TRPM5: variants seen among roughly 807,000 people sequenced by gnomAD.
TRPM5 encodes the protein MLSN1 and TRP-related.
TRPM5 carries 121 observed loss-of-function variants against 124.9 expected under a neutral mutation model. That is an observed-to-expected ratio of 0.97 (90% CI 0.84 to 1.13). TRPM5 has a LOEUF of 1.13. Ranked by LOEUF, TRPM5 falls within the 50% of genes most tolerant of loss-of-function variation. The pLI is 0.00. For missense variants in TRPM5, 1,643 were observed against 1,589.1 expected (o/e 1.03, Z -0.58); for synonymous variants, 781 against 700.5 (o/e 1.11, Z -1.81).
chr11:2,419,627 A>AG (rs1039858109), intron 4 of TRPM5, among the ~76,000 whole-genome samples: 3 of 57,120 alleles, frequency 5.3e-5, no homozygotes, highest in African/African-American at 2.0e-4. Flanking sequence ...TGCCTCAAAA[A>AG]AAAAAAAAAA....
chr11:2,414,247 G>A, intron 11 of TRPM5, 41 bp from the exon 17 acceptor site: 3 of 1,578,048 alleles, frequency 1.9e-6, no homozygotes, highest in Non-Finnish European at 2.6e-6. Flanking sequence ...AGACGCCGAT[G>A]CCCGGCCCGG....
chr11:2,411,598 C>T (rs1368270958), intron 17 of TRPM5, 37 bp downstream of exon 22: 1 of 1,610,820 alleles, frequency 6.2e-7, no homozygotes, highest in Non-Finnish European at 8.5e-7. Flanking sequence ...GGATTGCTGT[C>T]CCTCCAGGGC....
intron 8 of TRPM5, among the ~76,000 whole-genome samples, 168 bp from the exon 14 acceptor site, chr11:2,415,639 C>T (rs980533499): frequency 1.3e-5 from 2 of 152,218 alleles, no homozygotes; most frequent in African/African-American, 2.4e-5. Flanking sequence ...TGCATTGGGG[C>T]GGGCACAGAG....
chr11:2,415,469 G>A lies in TRPM5; in HGVS notation c.1131C>T (p.Ser377=), dbSNP rs1184096239. Residue 377 remains serine, a splice_region_variant and synonymous_variant, in exon 9 of 24, where the codon TCC becomes TCT. Transcript: ENST00000155858. ...CCACCATCACCTCCTCCAGGTCACA[G>A]GACTTGGCGGCCATGGGCACCCGAG... is the stretch of plus-strand genomic sequence containing the variant. 3.2e-6 allele frequency: 5 copies of A among 1,557,612 alleles called. No individual in the cohort carries two copies. In the East Asian group the frequency reaches 1.1e-4, roughly 36 times the overall value.
intron 20 of TRPM5, 113 bp downstream of exon 25, chr11:2,407,006 A>G: frequency 7.3e-7 from 1 of 1,365,712 alleles, no homozygotes; most frequent in South Asian, 1.5e-5. Flanking sequence ...CTGAGGACCC[A>G]CAGGGCTGAG....
the TRPM5 span, among the ~76,000 whole-genome samples, chr11:2,438,812 G>A: frequency 6.6e-6 from 1 of 152,006 alleles, no homozygotes; most frequent in African/African-American, 2.4e-5. This position sits in a 1 kb window ranked among gnomAD's most constrained non-coding sequence, Gnocchi z 5.9. Context: ...ATTTTTCACA[G>A]AATTAGAAAA....
At chr11:2,416,390 C>T (rs977883773) in intron 7 of TRPM5, among the ~76,000 whole-genome samples, 2 of 152,186 alleles carry the variant, frequency 1.3e-5, no homozygotes, top group African/African-American at 2.4e-5. Context: ...GCCACGTTTC[C>T]TCCACGGGCA....
the TRPM5 span, among the ~76,000 whole-genome samples, chr11:2,429,062 T>C: frequency 6.6e-6 from 1 of 151,174 alleles, no homozygotes; most frequent in African/African-American, 2.4e-5. This position sits in a 1 kb window ranked among gnomAD's most constrained non-coding sequence, Gnocchi z 8.4. Context: ...GTGGTGGTGA[T>C]GATGGTTGTG....
chr11:2,419,575 T>C (rs2014073), intron 4 of TRPM5, among the ~76,000 whole-genome samples: 66,803 of 147,718 alleles, frequency 0.45, 15,339 homozygotes, highest in East Asian at 0.67. Context: ...GAGATTGCAC[T>C]CCTGCACTCC....
At chr11:2,422,646 C>T (rs1348722277) in intron 1 of TRPM5, among the ~76,000 whole-genome samples, 1 of 151,538 alleles carries the variant, frequency 6.6e-6, no homozygotes, top group African/African-American at 2.4e-5. Flanking sequence ...GGGCGCTGGA[C>T]AGAGGTGGGG....
chr11:2,414,015 C>CCCCCCCCCCCCCCCCCCCCCACA, intron 12 of TRPM5, 46 bp downstream of exon 17: 2 of 752,952 alleles, frequency 2.7e-6, no homozygotes, highest in Non-Finnish European at 2.1e-6. Context: ...GCTCGCCCGC[C>CCCCCCCCCCCCCCCCCCCCCACA]CACCCCACCC....
chr11:2,404,136 G>C (rs974536269), downstream of TRPM5, among the ~76,000 whole-genome samples: 1 of 152,214 alleles, frequency 6.6e-6, no homozygotes, highest in Non-Finnish European at 1.5e-5. Flanking sequence ...AAGCCCACAT[G>C]ATGCCATCAG....
At chr11:2,425,674 C>G (rs80194575), upstream of TRPM5, among the ~76,000 whole-genome samples, 12,376 of 99,888 alleles carry the variant, frequency 0.12, 644 homozygotes, top group South Asian at 0.26. Context: ...TTCACTCCCA[C>G]CAGGCCCTGC....
exon 6 of TRPM5, chr11:2,418,354 A>G: frequency 6.5e-7 from 1 of 1,549,304 alleles, no homozygotes; most frequent in Non-Finnish European, 8.7e-7. Context: ...GGCCCTGGAG[A>G]TCCTCTGAGA....
At chr11:2,443,208 G>C in the TRPM5 span, among the ~76,000 whole-genome samples, 1 of 152,132 alleles carries the variant, frequency 6.6e-6, no homozygotes, top group Non-Finnish European at 1.5e-5. The surrounding 1 kb of genome is among the most constrained non-coding windows in gnomAD (Gnocchi z 5.0). Flanking sequence ...ATTTATTCTC[G>C]TGTGCGGTGA....
At chr11:2,418,877 C>T (rs1398986952) in intron 4 of TRPM5, among the ~76,000 whole-genome samples, 1 of 152,216 alleles carries the variant, frequency 6.6e-6, no homozygotes, top group African/African-American at 2.4e-5. Flanking sequence ...GCACCCAGCC[C>T]TACAGGTGCA....
At position 2,422,323 on chromosome 11, in the gene TRPM5, T is replaced by A; in HGVS notation, c.118-2A>T. On this transcript the variant is annotated splice_acceptor_variant, in intron 1 of 23. Transcript: ENST00000155858. LOFTEE classifies it high-confidence loss of function. ...CACTCCGCTCGGCACCCGTACAAACTGCAAGGCAGGTCTGCAGCTCAGGGC... is the reference window on the plus strand; with the variant it reads ...CACTCCGCTCGGCACCCGTACAAACAGCAAGGCAGGTCTGCAGCTCAGGGC... 6.3e-7 allele frequency: 1 copy of A among 1,592,878 alleles called. No homozygotes were observed. Among genetic ancestry groups the A allele is most frequent in the Non-Finnish European group, 8.5e-7 (1 of 1,170,698 alleles).
intron 4 of TRPM5, among the ~76,000 whole-genome samples, chr11:2,419,025 A>G (rs1037901279): frequency 1.3e-5 from 2 of 152,096 alleles, no homozygotes; most frequent in African/African-American, 4.8e-5. Flanking sequence ...TTTCTCCCCC[A>G]AACAGAAGCT....
At chr11:2,429,720 G>A in the TRPM5 span, among the ~76,000 whole-genome samples, 1 of 152,000 alleles carries the variant, frequency 6.6e-6, no homozygotes, top group African/African-American at 2.4e-5. The surrounding 1 kb of genome is among the most constrained non-coding windows in gnomAD (Gnocchi z 8.4). Context: ...GGTGATGGCA[G>A]TGATAGTTAG....
Sources: gnomAD v4.1 joint callset for allele counts (sites outside exome capture counted in the v4.1 genomes callset) on GRCh38, gnomAD v4.1.1 for gene constraint, Gnocchi (gnomAD v3.1) non-coding constraint, MANE v1.5 for transcripts, NCBI Gene and HGNC (gene_info 2026-07-23, HGNC 2026-07-21) for gene names.